SCFD1: variants seen among roughly 807,000 people sequenced by gnomAD.
SCFD1 encodes the protein sec1 family domain containing 1.
A neutral mutation model predicts 103.2 loss-of-function variants in SCFD1; 37 were observed. That is an observed-to-expected ratio of 0.36 (90% confidence interval 0.28 to 0.47). The LOEUF (loss-of-function observed/expected upper bound fraction) is 0.47. SCFD1 is among the 20% of genes least tolerant of loss of function. The probability of loss-of-function intolerance (pLI) is 1.00; values close to 1 mark genes in which losing one functional copy is unlikely to be tolerated. For synonymous variants in SCFD1, 264 were observed against 245.0 expected (o/e 1.08, Z -0.73); for missense variants, 639 against 761.2 (o/e 0.84, Z 1.89).
intron 10 of SCFD1, among the ~76,000 whole-genome samples, chr14:30,667,345 A>G (rs1174701945): frequency 6.6e-6 from 1 of 152,228 alleles, no homozygotes; most frequent in Non-Finnish European, 1.5e-5. Flanking sequence ...GCCTTCGACA[A>G]AATTCAACAG....
intron 14 of SCFD1, among the ~76,000 whole-genome samples, chr14:30,682,007 G>C (rs1013778317): frequency 6.6e-6 from 1 of 152,112 alleles, no homozygotes; most frequent in Non-Finnish European, 1.5e-5. Flanking sequence ...TTATTATCTA[G>C]AGTGGAAAGA....
chr14:30,666,503 G>A (rs1887983963), intron 10 of SCFD1, among the ~76,000 whole-genome samples: 1 of 152,058 alleles, frequency 6.6e-6, no homozygotes, highest in African/African-American at 2.4e-5. Flanking sequence ...AGAGAAGCAA[G>A]AGCAAACACA....
intron 6 of SCFD1, among the ~76,000 whole-genome samples, chr14:30,640,855 C>T (rs1448701463): frequency 1.3e-5 from 2 of 151,922 alleles, no homozygotes; most frequent in African/African-American, 4.8e-5. Context: ...TTTATACCTG[C>T]CAGCTTTTTT....
chr14:30,702,161 G>A (rs1010565714), intron 16 of SCFD1, 135 bp from the exon 17 acceptor site: 10 of 535,674 alleles, frequency 1.9e-5, no homozygotes, highest in African/African-American at 5.9e-5. Flanking sequence ...CACTTAAGAC[G>A]TGACTCCACT....
chr14:30,704,554 A>G (rs1278655129), intron 17 of SCFD1, among the ~76,000 whole-genome samples: 3 of 152,176 alleles, frequency 2.0e-5, no homozygotes, highest in African/African-American at 7.2e-5. Context: ...CAGAAATTCT[A>G]ATCCACTGCT....
chr14:30,693,099 G>A (rs990662070), intron 14 of SCFD1, among the ~76,000 whole-genome samples: 3 of 152,152 alleles, frequency 2.0e-5, no homozygotes. Context: ...ATATCAGAGA[G>A]TCTGAAGAAT....
At chr14:30,632,529 TA>T (rs1884284624) in intron 3 of SCFD1, among the ~76,000 whole-genome samples, 1 of 152,226 alleles carries the variant, frequency 6.6e-6, no homozygotes, top group Admixed American at 6.5e-5. Context: ...CTTTCATTTT[TA>T]TGTCAGACTG....
intron 23 of SCFD1, among the ~76,000 whole-genome samples, chr14:30,734,296 T>G (rs1406971003): frequency 6.6e-6 from 1 of 152,150 alleles, no homozygotes; most frequent in African/African-American, 2.4e-5. Flanking sequence ...ATTGTAACTG[T>G]GACTTTTATT....
chr14:30,684,728 CTTTT>C (rs766941201), intron 14 of SCFD1, among the ~76,000 whole-genome samples: 6 of 56,916 alleles, frequency 1.1e-4, no homozygotes, highest in African/African-American at 2.4e-4. Flanking sequence ...CTCACTTATT[CTTTT>C]TTTTTTTTTT....
chr14:30,683,392 T>C (rs1889653378), intron 14 of SCFD1: 3 of 536,074 alleles, frequency 5.6e-6, no homozygotes, highest in African/African-American at 1.9e-5. Flanking sequence ...TCATATATTG[T>C]GGCAGCTGCT....
At chr14:30,674,499 T>G (rs1007440089) in intron 13 of SCFD1, among the ~76,000 whole-genome samples, 2 of 151,896 alleles carry the variant, frequency 1.3e-5, no homozygotes, top group African/African-American at 4.8e-5. Flanking sequence ...AATAAATAAA[T>G]TAGCTGAGAG....
At chr14:30,649,456 T>A (rs1566595511) in intron 7 of SCFD1, 72 bp from the exon 8 acceptor site, 1 of 879,802 alleles carries the variant, frequency 1.1e-6, no homozygotes, top group Non-Finnish European at 1.8e-6. Flanking sequence ...TTATTTTTGA[T>A]GCTGATGTAT....
At position 30,702,376 on chromosome 14, in the gene SCFD1, G is replaced by A; in HGVS notation, c.1490+1G>A. ...CTTTACAATATATCAAACAGTGGAAGTAAGTTTTATTTTCTTCTTTAATTC... is the reference window on the plus strand; with the variant it reads ...CTTTACAATATATCAAACAGTGGAAATAAGTTTTATTTTCTTCTTTAATTC... On this transcript the variant is annotated splice_donor_variant, in intron 17 of 24. Coordinates refer to ENST00000458591, the MANE Select transcript of SCFD1 (RefSeq NM_016106.4). LOFTEE classifies it high-confidence loss of function. 1 of 1,547,424 alleles carries A rather than the reference G, an allele frequency of 6.5e-7. No individual in the cohort carries two copies. Among genetic ancestry groups the A allele is most frequent in the Non-Finnish European group, 8.8e-7 (1 of 1,138,938 alleles).
chr14:30,717,659 A>G (rs955101466), intron 20 of SCFD1, among the ~76,000 whole-genome samples: 3 of 152,100 alleles, frequency 2.0e-5, no homozygotes, highest in Admixed American at 6.6e-5. Context: ...TGGGAGGCCG[A>G]AGCAGGTGGA....
In SCFD1 at chr14:30,693,222, C is replaced by T. The variant is rs1406347976; in HGVS notation, c.1243-1551C>T. Among the ~76,000 whole-genome samples the T allele has an allele frequency of 2.6e-5, 4 of 152,192 alleles. No individual in the cohort carries two copies. In the East Asian group the frequency reaches 7.7e-4, roughly 29 times the overall value. On this transcript the variant is annotated intron_variant, in intron 14 of 24. Transcript: ENST00000458591. ...AAGGGCAGAAAAGTACAGTATCATACTTCTTGTGTCAGAAAGGAGGCGGAT... is the reference window on the plus strand; with the variant it reads ...AAGGGCAGAAAAGTACAGTATCATATTTCTTGTGTCAGAAAGGAGGCGGAT...
At chr14:30,732,648 C>T (rs972593964) in intron 23 of SCFD1, among the ~76,000 whole-genome samples, 2 of 152,202 alleles carry the variant, frequency 1.3e-5, no homozygotes, top group Non-Finnish European at 2.9e-5. Context: ...AAACATGCGA[C>T]TATGCCTACA....
At position 30,684,728 on chromosome 14, in the gene SCFD1, C is replaced by CTT. The variant is rs766941201; in HGVS notation, c.1242+9681_1242+9682dup. Among the ~76,000 whole-genome samples the CTT allele has an allele frequency of 6.7e-4, 38 of 56,916 alleles. No individual in the cohort carries two copies. In the South Asian group the frequency reaches 0.01, roughly 16 times the overall value. The allele number at this position is 56,916 out of a possible 152,430, so 37.3% of individuals were successfully genotyped here. A position where few individuals can be genotyped will look rare whatever the true frequency, so the allele number is the denominator to read the frequency against. On this transcript the variant is annotated intron_variant, in intron 14 of 24. Coordinates refer to ENST00000458591, the MANE Select transcript of SCFD1 (RefSeq NM_016106.4). ...AATGTTCCCCTTTTACTCACTTATT[C>CTT]TTTTTTTTTTTTTTTTTTTACTTTT...
At chr14:30,705,785 A>C (rs1891427716) in intron 17 of SCFD1, 38 bp from the exon 18 acceptor site, 2 of 1,531,274 alleles carry the variant, frequency 1.3e-6, no homozygotes, top group African/African-American at 1.4e-5. Flanking sequence ...AGTTAGTTCT[A>C]ATAATTAGCT....
At position 30,735,724 on chromosome 14, in the gene SCFD1, CA is replaced by C; in HGVS notation, c.*116del. On this transcript the variant is annotated 3_prime_UTR_variant, in exon 25 of 25. Transcript: ENST00000458591. ...GTAACAGTGTCCTAACAGTGAAAAT[CA>C]GAGTTATTTGTTAATTTTTAAGGAA... The C allele has an allele frequency of 2.9e-6, 2 of 697,434 alleles. No homozygotes were observed. The highest frequency in any genetic ancestry group is 4.8e-6 in the Non-Finnish European group (2 of 414,160). 43.2% of individuals were successfully genotyped at this position (697,434 alleles called of 1,614,324 possible).
Sources: gnomAD v4.1 joint callset for allele counts (sites outside exome capture counted in the v4.1 genomes callset) on GRCh38, gnomAD v4.1.1 for gene constraint, MANE v1.5 for transcripts, NCBI Gene and HGNC (gene_info 2026-07-23, HGNC 2026-07-21) for gene names.